The following PRR16 variants were observed in gnomAD, a reference collection of about 807,000 sequenced individuals.
PRR16 encodes the protein protein Largen.
In PRR16, 6 loss-of-function variants were observed where a neutral mutation model predicts 18.2. The observed-to-expected ratio is 0.33, with a 90% CI of 0.18 to 0.65. The LOEUF is 0.65. Ranked by LOEUF, PRR16 falls within the 30% of genes least tolerant of loss-of-function variation. The pLI is 0.74. For missense variants in PRR16, 412 were observed against 376.6 expected (o/e 1.09, Z -0.78); for synonymous variants, 151 against 147.8 (o/e 1.02, Z -0.16).
intron 1 of PRR16, among the ~76,000 whole-genome samples, chr5:120,573,166 TGTCTGTGACTTTAA>T (rs750099722): frequency 1.6e-3 from 247 of 152,300 alleles, no homozygotes; most frequent in Non-Finnish European, 2.4e-3. Context: ...CTAAAACTAA[TGTCTGTGACTTTAA>T]GTCTGTGAAT....
chr5:120,773,215 TA>T, the PRR16 span, among the ~76,000 whole-genome samples: 1 of 152,038 alleles, frequency 6.6e-6, no homozygotes, highest in African/African-American at 2.4e-5. Flanking sequence ...CCCACATGAA[TA>T]AGAGTCCCCA....
intron 1 of PRR16, among the ~76,000 whole-genome samples, chr5:120,489,552 A>C (rs1431779229): frequency 1.3e-5 from 2 of 152,104 alleles, no homozygotes; most frequent in South Asian, 2.1e-4. Flanking sequence ...GTGTCTCTGC[A>C]CGTGAGATGG....
intron 1 of PRR16, chr5:120,465,827 T>C (rs1749061960): frequency 6.6e-6 from 1 of 152,462 alleles, no homozygotes; most frequent in Non-Finnish European, 1.5e-5. Flanking sequence ...GTAATCCTGT[T>C]TCTGAAGCCA....
chr5:120,791,584 C>CATCTATCTATCT, the PRR16 span, among the ~76,000 whole-genome samples: 6,715 of 127,358 alleles, frequency 0.053, 189 homozygotes, highest in Admixed American at 0.077. Context: ...GAACTTCTAT[C>CATCTATCTATCT]ATCTATCTAT....
intron 1 of PRR16, among the ~76,000 whole-genome samples, chr5:120,576,550 T>C (rs920160561): frequency 6.6e-6 from 1 of 152,296 alleles, no homozygotes; most frequent in South Asian, 2.1e-4. Flanking sequence ...AAGGAAACCC[T>C]TATACTCTGC....
intron 1 of PRR16, among the ~76,000 whole-genome samples, chr5:120,599,237 A>G (rs1179358012): frequency 1.3e-5 from 2 of 151,800 alleles, no homozygotes; most frequent in African/African-American, 4.8e-5. Context: ...TTCCTACCCC[A>G]GCTTTAAATT....
chr5:120,778,266 G>A, the PRR16 span, among the ~76,000 whole-genome samples: 2 of 152,072 alleles, frequency 1.3e-5, no homozygotes, highest in South Asian at 2.1e-4. Flanking sequence ...TAAACTTGTA[G>A]GATATCTTAT....
chr5:120,746,099 A>G, the PRR16 span, among the ~76,000 whole-genome samples: 1 of 151,220 alleles, frequency 6.6e-6, no homozygotes, highest in Non-Finnish European at 1.5e-5. Context: ...GCTTGTATTT[A>G]GATTTGTTCA....
At chr5:120,757,442 CCATGAGTATGGAATGTTTCTCCATTT>C in the PRR16 span, among the ~76,000 whole-genome samples, 2 of 151,994 alleles carry the variant, frequency 1.3e-5, no homozygotes. Flanking sequence ...TTCTTCCATT[CCATGAGTATGGAATGTTTCTCCATTT>C]GTCTCATCTG....
the PRR16 span, among the ~76,000 whole-genome samples, chr5:120,693,285 C>T: frequency 6.6e-6 from 1 of 152,030 alleles, no homozygotes; most frequent in South Asian, 2.1e-4. Flanking sequence ...GATAATGGTG[C>T]CACTCTTTCC....
intron 1 of PRR16, among the ~76,000 whole-genome samples, chr5:120,642,316 T>A (rs569932425): frequency 1.3e-5 from 2 of 152,094 alleles, no homozygotes; most frequent in South Asian, 4.2e-4. Context: ...GGCAGAAACC[T>A]CATTCAAAAG....
chr5:120,497,198 C>T (rs1357639480), intron 1 of PRR16, among the ~76,000 whole-genome samples: 1 of 152,028 alleles, frequency 6.6e-6, no homozygotes, highest in African/African-American at 2.4e-5. Context: ...GAGTGTTGCA[C>T]AGATATTGAT....
At chr5:120,707,095 C>CAA in the PRR16 span, among the ~76,000 whole-genome samples, 1 of 152,108 alleles carries the variant, frequency 6.6e-6, no homozygotes, top group African/African-American at 2.4e-5. Context: ...GGGAAATCTA[C>CAA]AATTGAAGGG....
chr5:120,465,242 C>G (rs535988644), intron 1 of PRR16, among the ~76,000 whole-genome samples: 3 of 152,316 alleles, frequency 2.0e-5, no homozygotes, highest in Non-Finnish European at 2.9e-5. Flanking sequence ...GACTTTCTCA[C>G]TTTCTCAGTT....
intron 1 of PRR16, among the ~76,000 whole-genome samples, chr5:120,574,812 A>G (rs980043708): frequency 6.7e-6 from 1 of 149,142 alleles, no homozygotes; most frequent in African/African-American, 2.6e-5. Context: ...ATGTAAATTG[A>G]CACAACTACT....
At chr5:120,473,303 G>A (rs1749329778) in intron 1 of PRR16, among the ~76,000 whole-genome samples, 2 of 151,948 alleles carry the variant, frequency 1.3e-5, no homozygotes, top group African/African-American at 4.8e-5. Flanking sequence ...ATAAATATTT[G>A]GGGTTATCTT....
chr5:120,522,750 C>T (rs562827587), intron 1 of PRR16, among the ~76,000 whole-genome samples: 59 of 152,044 alleles, frequency 3.9e-4, no homozygotes, highest in Non-Finnish European at 2.5e-4. Flanking sequence ...GGACTACAGG[C>T]GCCCGCCACC....
At chr5:120,662,783 G>T (rs1756220515) in intron 1 of PRR16, among the ~76,000 whole-genome samples, 1 of 152,126 alleles carries the variant, frequency 6.6e-6, no homozygotes, top group African/African-American at 2.4e-5. Context: ...GCAAGGCCCA[G>T]CACGAAGGTG....
chr5:120,549,870 C>A (rs1752198383), intron 1 of PRR16, among the ~76,000 whole-genome samples: 1 of 151,948 alleles, frequency 6.6e-6, no homozygotes, highest in Non-Finnish European at 1.5e-5. Context: ...AAGTCTCTGA[C>A]TTTCTGGAGT....
Sources: gnomAD v4.1 joint callset for allele counts (sites outside exome capture counted in the v4.1 genomes callset) on GRCh38, gnomAD v4.1.1 for gene constraint, MANE v1.5 for transcripts, NCBI Gene and HGNC (gene_info 2026-07-23, HGNC 2026-07-21) for gene names.